The following AMBRA1 variants were observed in gnomAD, a reference collection of about 807,000 sequenced individuals.
AMBRA1 encodes activating molecule in BECN1-regulated autophagy protein 1.
A neutral mutation model predicts 125.4 loss-of-function variants in AMBRA1; 47 were observed. That is an observed-to-expected ratio of 0.37 (90% confidence interval 0.30 to 0.48). The LOEUF is 0.48. Ranked by LOEUF, AMBRA1 falls within the 20% of genes least tolerant of loss-of-function variation. The pLI is 0.99. For synonymous variants in AMBRA1, 626 were observed against 655.5 expected, an observed-to-expected ratio of 0.95 and a Z score of 0.69; for missense variants, 1,331 against 1,693.4, an observed-to-expected ratio of 0.79 and a Z score of 3.76.
intron 9 of AMBRA1, among the ~76,000 whole-genome samples, chr11:46,505,166 GA>G (rs1383903749): frequency 6.6e-6 from 1 of 152,156 alleles, no homozygotes; most frequent in African/African-American, 2.4e-5. Flanking sequence ...CTCTGTACCT[GA>G]AAAAAATATA....
chr11:46,478,363 C>T (rs1390776396), intron 11 of AMBRA1, among the ~76,000 whole-genome samples: 2 of 152,174 alleles, frequency 1.3e-5, no homozygotes, highest in South Asian at 2.1e-4. Flanking sequence ...TAAGTGCTTG[C>T]ACAGTTAATT....
intron 7 of AMBRA1, among the ~76,000 whole-genome samples, chr11:46,528,350 T>C (rs1952071327): frequency 6.6e-6 from 1 of 152,200 alleles, no homozygotes; most frequent in Admixed American, 6.5e-5. Context: ...TTTGTATTTT[T>C]AGTACAAATG....
chr11:46,436,398 G>A (rs1274071972), intron 12 of AMBRA1, among the ~76,000 whole-genome samples: 1 of 152,100 alleles, frequency 6.6e-6, no homozygotes, highest in East Asian at 1.9e-4. Context: ...AGGCTATTGT[G>A]CCAACTCGGG....
chr11:46,570,968 T>G (rs2043736645), intron 1 of AMBRA1, among the ~76,000 whole-genome samples: 1 of 152,164 alleles, frequency 6.6e-6, no homozygotes, highest in Admixed American at 6.6e-5. Flanking sequence ...GTGGGGAGAC[T>G]ACAACTGCAA....
At chr11:46,465,749 T>C (rs183043259) in intron 11 of AMBRA1, among the ~76,000 whole-genome samples, 11 of 152,352 alleles carry the variant, frequency 7.2e-5, no homozygotes, top group Middle Eastern at 6.8e-3. Flanking sequence ...ATCCCCAAAA[T>C]AGTGATGCTC....
chr11:46,543,229 T>C lies in AMBRA1; in HGVS notation c.788A>G (p.Gln263Arg), dbSNP rs1249840330. 4 of 1,612,462 alleles carry C rather than the reference T, an allele frequency of 2.5e-6. No individual in the cohort carries two copies. Among genetic ancestry groups the C allele is most frequent in the South Asian group, 2.2e-5 (2 of 90,864 alleles). The change falls in exon 7 of 18, where the codon CAA becomes CGA. Residue 263 changes from glutamine (Q) to arginine (R), a missense_variant. Physicochemically the swap from Gln to Arg is conservative, Grantham distance 43. Coordinates refer to ENST00000683756, the MANE Select transcript of AMBRA1 (RefSeq NM_001387011.1). The part of the protein sequence containing the change: ...GIQVGEQSTV[Q>R]DSATPSPPPP... ...TGGGGGTGAGGGGGTAGCAGAATCT[T>C]GCACTGTGCTTTGCTCTCCCACCTG...
intron 2 of AMBRA1, 123 bp from the exon 3 acceptor site, chr11:46,547,998 C>T (rs1262190316): frequency 4.8e-6 from 6 of 1,262,088 alleles, no homozygotes; most frequent in Non-Finnish European, 6.6e-6. Context: ...AAACTGGAGA[C>T]AATGATCAAG....
intron 1 of AMBRA1, among the ~76,000 whole-genome samples, chr11:46,582,805 C>T (rs1220835293): frequency 1.3e-5 from 2 of 151,760 alleles, no homozygotes; most frequent in African/African-American, 4.8e-5. Context: ...ACAAAGCATT[C>T]AATAAGGACT....
intron 14 of AMBRA1, among the ~76,000 whole-genome samples, chr11:46,426,183 G>A (rs573653755): frequency 6.6e-6 from 1 of 152,266 alleles, no homozygotes; most frequent in South Asian, 2.1e-4. Flanking sequence ...GTAATGGGCT[G>A]TTACAGTGAT....
At chr11:46,522,213 T>C (rs1163308914) in intron 7 of AMBRA1, among the ~76,000 whole-genome samples, 2 of 152,184 alleles carry the variant, frequency 1.3e-5, no homozygotes, top group Non-Finnish European at 2.9e-5. Context: ...TGGGTAGTTA[T>C]TTTTAATACA....
intron 13 of AMBRA1, 54 bp downstream of exon 13, chr11:46,434,795 C>A: frequency 6.6e-7 from 1 of 1,517,750 alleles, no homozygotes. Flanking sequence ...TAGCAATGAC[C>A]ATGCCAAGGC....
intron 1 of AMBRA1, among the ~76,000 whole-genome samples, chr11:46,576,877 G>C (rs936024033): frequency 1.3e-5 from 2 of 152,188 alleles, no homozygotes; most frequent in African/African-American, 4.8e-5. Flanking sequence ...AAGATGATAG[G>C]AAGTTAAAAC....
intron 14 of AMBRA1, chr11:46,428,742 C>T (rs533981603): frequency 1.5e-4 from 243 of 1,609,926 alleles, no homozygotes; most frequent in Admixed American, 4.7e-4. Context: ...GCTTTCTTGT[C>T]GGCACCAGGT....
chr11:46,489,312 T>C (rs1175160779), intron 11 of AMBRA1, among the ~76,000 whole-genome samples: 1 of 152,026 alleles, frequency 6.6e-6, no homozygotes, highest in Non-Finnish European at 1.5e-5. Context: ...GCCTGGCTAA[T>C]TTTTTGTATT....
chr11:46,484,890 C>G (rs1832558129), intron 11 of AMBRA1, among the ~76,000 whole-genome samples: 1 of 151,482 alleles, frequency 6.6e-6, no homozygotes, highest in Non-Finnish European at 1.5e-5. Flanking sequence ...CATGATCCAC[C>G]TGCCTCGGCC....
At chr11:46,418,584 T>C (rs1946688740) in intron 14 of AMBRA1, among the ~76,000 whole-genome samples, 1 of 151,622 alleles carries the variant, frequency 6.6e-6, no homozygotes, top group South Asian at 2.1e-4. Context: ...CGGTGTGTGA[T>C]GTTCTCCTTC....
chr11:46,488,116 C>T (rs1034379719), intron 11 of AMBRA1, among the ~76,000 whole-genome samples: 6 of 152,302 alleles, frequency 3.9e-5, no homozygotes, highest in African/African-American at 1.4e-4. Flanking sequence ...CAGTCGTAGA[C>T]ATATGTGCAC....
chr11:46,443,457 C>T (rs770671778), intron 12 of AMBRA1, 31 bp downstream of exon 12: 1 of 1,565,776 alleles, frequency 6.4e-7, no homozygotes, highest in Non-Finnish European at 8.8e-7. Flanking sequence ...TATAACCCTT[C>T]CACTGATACC....
chr11:46,470,878 CA>C (rs1949560072), intron 11 of AMBRA1, among the ~76,000 whole-genome samples: 1 of 152,042 alleles, frequency 6.6e-6, no homozygotes. Context: ...ATAAAACAGA[CA>C]AAAATTCCCA....
Sources: gnomAD v4.1 joint callset for allele counts (sites outside exome capture counted in the v4.1 genomes callset) on GRCh38, gnomAD v4.1.1 for gene constraint, MANE v1.5 for transcripts, NCBI Gene and HGNC (gene_info 2026-07-23, HGNC 2026-07-21) for gene names.